GIMAP5: variants seen among roughly 807,000 people sequenced by gnomAD.
GIMAP5 encodes the protein GTPase, IMAP family member 5, also known as GTPase IMAP family member 5.
Under a neutral mutation model 9.9 loss-of-function variants are expected in GIMAP5, and 8 were observed. The observed-to-expected ratio is 0.81, with a 90% CI of 0.47 to 1.45. GIMAP5 has a LOEUF of 1.45. Ranked by LOEUF, GIMAP5 falls within the 40% of genes most tolerant of loss-of-function variation. The pLI is 0.00. For missense variants in GIMAP5, 353 were observed against 367.4 expected (o/e 0.96, Z 0.32); for synonymous variants, 174 against 151.4 (o/e 1.15, Z -1.09).
intron 2 of GIMAP5, 32 bp from the exon 3 acceptor site, chr7:150,742,151 C>T: frequency 1.3e-6 from 2 of 1,596,334 alleles, no homozygotes; most frequent in Non-Finnish European, 1.7e-6. Context: ...GAATCATTAA[C>T]TTAGTAAGAT....
chr7:150,740,785 G>T (rs1585233769), intron 1 of GIMAP5, 94 bp from the exon 2 acceptor site: 1 of 1,196,802 alleles, frequency 8.4e-7, no homozygotes, highest in East Asian at 2.3e-5. Flanking sequence ...ATTTGAGAAT[G>T]ATTATTCTTA....
intron 2 of GIMAP5, 99 bp downstream of exon 2, chr7:150,741,026 T>C (rs1192392946): frequency 9.2e-6 from 12 of 1,309,986 alleles, no homozygotes; most frequent in African/African-American, 1.5e-5. Context: ...CAGAAACCCA[T>C]TCATTTTAAA....
In GIMAP5 at chr7:150,742,673, G is replaced by A; in HGVS notation, c.534G>A (p.Arg178=). 8 of 1,614,230 alleles carry A rather than the reference G, an allele frequency of 5.0e-6. No individual in the cohort carries two copies. The highest frequency in any genetic ancestry group is 6.8e-6 in the Non-Finnish European group (8 of 1,180,050). ...ACTGCAGCCTGAAAGACCTGGTGCG[G>A]GAGTGTGAGAGAAGGTACTGTGCCT... The part of the protein sequence containing the change: ...TDNCSLKDLV[R]ECERRYCAFN... The change falls in exon 3 of 3, where the codon CGG becomes CGA. Residue 178 remains arginine (R), a synonymous_variant. Coordinates refer to ENST00000358647, the MANE Select transcript of GIMAP5 (RefSeq NM_018384.5).
At chr7:150,738,658 A>C (rs1283705810) in intron 1 of GIMAP5, 1 of 152,156 alleles carries the variant, frequency 6.6e-6, no homozygotes, top group Non-Finnish European at 1.5e-5. Context: ...ACTGCCTTCC[A>C]ATCTCTCATG....
At chr7:150,738,558 G>A (rs1585232382) in intron 1 of GIMAP5, 4 of 152,248 alleles carry the variant, frequency 2.6e-5, no homozygotes, top group South Asian at 4.1e-4. Flanking sequence ...TTTCAAATCG[G>A]AATGTGCATT....
Position 150,742,848 on chromosome 7 carries a change from G to A in GIMAP5, c.709G>A (p.Ala237Thr). Reference sequence around the variant, plus strand: ...GCTGCTCCAAAGAACTGGAGCTGGGGCCTGCCAGGAAGACTACAGGCAGTA... The same window carrying A: ...GCTGCTCCAAAGAACTGGAGCTGGGACCTGCCAGGAAGACTACAGGCAGTA... ...AQLLQRTGAG[A>T]CQEDYRQYQA... is the part of the protein sequence containing the mutation. The change falls in exon 3 of 3, where the codon GCC becomes ACC. Residue 237 changes from alanine (A) to threonine (T), a missense_variant. By Grantham distance (58) the Ala-to-Thr change is moderately conservative. Coordinates refer to ENST00000358647, the MANE Select transcript of GIMAP5 (RefSeq NM_018384.5). 6.2e-7 allele frequency: 1 copy of A among 1,614,208 alleles called. No homozygotes were observed. Among genetic ancestry groups the A allele is most frequent in the South Asian group, 1.1e-5 (1 of 91,084 alleles).
Position 150,743,148 on chromosome 7 carries a change from G to A in GIMAP5, c.*85G>A. 6.7e-7 allele frequency: 1 copy of A among 1,491,168 alleles called. No homozygotes were observed. The highest frequency in any genetic ancestry group is 2.3e-5 in the East Asian group (1 of 44,020). The allele number at this position is 1,491,168 out of a possible 1,614,324, so 92.4% of individuals were successfully genotyped here. Reference sequence around the variant, plus strand: ...CACCAATTCAGACTCAGATCCTCGTGGTCTATGGAGCATGCTGCTTGCTGT... The same window carrying A: ...CACCAATTCAGACTCAGATCCTCGTAGTCTATGGAGCATGCTGCTTGCTGT... On this transcript the variant is annotated 3_prime_UTR_variant, in exon 3 of 3. Coordinates refer to ENST00000358647, the MANE Select transcript of GIMAP5 (RefSeq NM_018384.5).
At chr7:150,739,031 A>G (rs1797557539) in intron 1 of GIMAP5, 1 of 152,366 alleles carries the variant, frequency 6.6e-6, no homozygotes, top group Admixed American at 6.5e-5. Context: ...GTGACAGGCA[A>G]TTGGCTGTTT....
In GIMAP5 at chr7:150,742,571, A is replaced by G. The variant is rs756881232; in HGVS notation, c.432A>G (p.Arg144=). 14 of 1,614,170 alleles carry G rather than the reference A, an allele frequency of 8.7e-6. 2 individuals carry two copies. The South Asian group carries it at 1.5e-4, about 18-fold the overall frequency. The change falls in exon 3 of 3, where the codon AGA becomes AGG. Residue 144 remains arginine (R), a synonymous_variant. Transcript: ENST00000358647. ...AGGTCTTTGGGACAGGGGCCATGAG[A>G]CATGTGGTCATCCTCTTCACCCACA... ...VKEVFGTGAM[R]HVVILFTHKE...
Position 150,743,169 on chromosome 7 carries a change from G to C in GIMAP5, c.*106G>C. On this transcript the variant is annotated 3_prime_UTR_variant, in exon 3 of 3. Coordinates refer to ENST00000358647, the MANE Select transcript of GIMAP5 (RefSeq NM_018384.5). The stretch of plus-strand genomic sequence containing the variant: ...TCGTGGTCTATGGAGCATGCTGCTT[G>C]CTGTCTGTGCAGCTCCCATTTCCCC... 2 of 1,384,564 alleles carry C rather than the reference G, an allele frequency of 1.4e-6. No individual in the cohort carries two copies. Among genetic ancestry groups the C allele is most frequent in the Admixed American group, 2.2e-5 (1 of 45,190 alleles). The allele number at this position is 1,384,564 out of a possible 1,614,324, so 85.8% of individuals were successfully genotyped here.
At chr7:150,741,059 C>T in intron 2 of GIMAP5, 132 bp downstream of exon 2, 1 of 834,238 alleles carries the variant, frequency 1.2e-6, no homozygotes, top group South Asian at 1.6e-5. Context: ...AGGCAACTAT[C>T]ATCACGTGTG....
At position 150,737,569 on chromosome 7, in the gene GIMAP5, T is replaced by C; in HGVS notation, c.-146T>C. The C allele has an allele frequency of 6.5e-7, 1 of 1,535,622 alleles. No individual in the cohort carries two copies. The highest frequency in any genetic ancestry group is 8.7e-7 in the Non-Finnish European group (1 of 1,146,888). ...CTTAACTGCGTCTGCTCAACCTCCC[T>C]CAGCCCTGTGAACAGCATCCCCGCA... On this transcript the variant is annotated 5_prime_UTR_variant, in exon 1 of 3. Coordinates refer to ENST00000358647, the MANE Select transcript of GIMAP5 (RefSeq NM_018384.5).
chr7:150,737,839 G>A (rs1797538345), intron 1 of GIMAP5, 131 bp downstream of exon 1: 4 of 722,470 alleles, frequency 5.5e-6, no homozygotes, highest in South Asian at 1.8e-5. Flanking sequence ...TCAGTAAAAC[G>A]GGGCAATGGT....
Position 150,743,190 on chromosome 7 carries a change from T to C in GIMAP5, c.*127T>C. 1 of 1,222,320 alleles carries C rather than the reference T, an allele frequency of 8.2e-7. No individual in the cohort carries two copies. The highest frequency in any genetic ancestry group is 2.4e-5 in the East Asian group (1 of 41,900). The allele number at this position is 1,222,320 out of a possible 1,614,324, so 75.7% of individuals were successfully genotyped here. The stretch of plus-strand genomic sequence containing the variant: ...GCTTGCTGTCTGTGCAGCTCCCATT[T>C]CCCCTTCTTCCTGATAGACTTGGAG... On this transcript the variant is annotated 3_prime_UTR_variant, in exon 3 of 3. Coordinates refer to ENST00000358647, the MANE Select transcript of GIMAP5 (RefSeq NM_018384.5).
In GIMAP5 at chr7:150,742,464, C is replaced by A. The variant is rs1235567767; in HGVS notation, c.325C>A (p.Pro109Thr). The A allele has an allele frequency of 6.2e-7, 1 of 1,614,076 alleles. No homozygotes were observed. Among genetic ancestry groups the A allele is most frequent in the East Asian group, 2.2e-5 (1 of 44,894 alleles). The change falls in exon 3 of 3, where the codon CCG becomes ACG. Residue 109 changes from proline (P) to threonine (T), a missense_variant. Pro to Thr is a conservative substitution (Grantham distance 38, BLOSUM62 -1). Transcript: ENST00000358647. ...NIGDCYLLSA[P>T]GPHVLLLVIQ... is the part of the protein sequence containing the mutation. ...CGGGGACTGCTACCTGCTCTCTGCC[C>A]CGGGGCCCCACGTCCTGCTTCTGGT...
At chr7:150,741,564 C>G (rs963982058) in intron 2 of GIMAP5, among the ~76,000 whole-genome samples, 1 of 152,186 alleles carries the variant, frequency 6.6e-6, no homozygotes, top group Non-Finnish European at 1.5e-5. Flanking sequence ...GAGCCATCCA[C>G]CCTAGGGTCA....
In GIMAP5 at chr7:150,742,526, G is replaced by A. The variant is rs1355035247; in HGVS notation, c.387G>A (p.Val129=). ...GGCGTTTCACTGCTCAGGACACAGT[G>A]GCCATCAGGAAGGTGAAAGAGGTCT... The part of the protein sequence containing the change: ...QLGRFTAQDT[V]AIRKVKEVFG... The change falls in exon 3 of 3, where the codon GTG becomes GTA. Residue 129 remains valine (V), a synonymous_variant. Coordinates refer to ENST00000358647, the MANE Select transcript of GIMAP5 (RefSeq NM_018384.5). 55 of 1,614,048 alleles carry A rather than the reference G, an allele frequency of 3.4e-5. No individual in the cohort carries two copies. The Admixed American group carries it at 9.2e-4, about 27-fold the overall frequency.
At chr7:150,740,601 A>C in intron 1 of GIMAP5, 1 of 330,970 alleles carries the variant, frequency 3.0e-6, no homozygotes, top group East Asian at 5.7e-5. Context: ...TGGGGGAGAT[A>C]ATCAACTGAT....
chr7:150,743,078 G>A lies in GIMAP5; in HGVS notation c.*15G>A, dbSNP rs1394203768. On this transcript the variant is annotated 3_prime_UTR_variant, in exon 3 of 3. Transcript: ENST00000358647. ...ATTACATTTAAATCTCTGGACCCTG[G>A]AGCACTTCTAATGTATCACCCCATG... The A allele has an allele frequency of 1.9e-6, 3 of 1,595,122 alleles. No homozygotes were observed. The East Asian group carries it at 6.7e-5, about 36-fold the overall frequency.
Sources: allele counts gnomAD v4.1 joint callset (sites outside exome capture counted in the v4.1 genomes callset), GRCh38; gene constraint gnomAD v4.1.1; transcripts MANE v1.5; gene names NCBI Gene and HGNC (gene_info 2026-07-23, HGNC 2026-07-21).